KIF16B: variants seen among roughly 807,000 people sequenced by gnomAD.
The protein encoded by KIF16B is kinesin family member 16B.
A neutral mutation model predicts 156.3 loss-of-function variants in KIF16B; 98 were observed. The ratio of observed to expected loss-of-function variants is 0.63; its 90% CI spans 0.53 to 0.74. The LOEUF is 0.74. Among genes scored for constraint, KIF16B ranks in the 30% least tolerant of loss-of-function variants. The pLI is 0.00. For missense variants in KIF16B, 1,421 were observed against 1,606.5 expected (o/e 0.88, Z 1.97); for synonymous variants, 564 against 583.7 (o/e 0.97, Z 0.49).
At chr20:16,476,571 G>A (rs2067819591) in intron 12 of KIF16B, among the ~76,000 whole-genome samples, 1 of 151,988 alleles carries the variant, frequency 6.6e-6, no homozygotes, top group South Asian at 2.1e-4. Context: ...ATCTCTAAAG[G>A]AGAACAATTT....
At position 16,504,569 on chromosome 20, in the gene KIF16B, A is replaced by C. The variant is rs937224282; in HGVS notation, c.1001-22T>G. 8 of 1,605,322 alleles carry C rather than the reference A, an allele frequency of 5.0e-6. No homozygotes were observed. The East Asian group carries it at 1.8e-4, about 36-fold the overall frequency. On this transcript the variant is annotated intron_variant, in intron 9 of 25. Coordinates refer to ENST00000354981, the MANE Select transcript of KIF16B (RefSeq NM_024704.5). Reference sequence around the variant, plus strand: ...ATGGCTGTGAAGAATGTATTCAAAAAATAATTTATCCAGCACTCCATGTTC... The same window carrying C: ...ATGGCTGTGAAGAATGTATTCAAAACATAATTTATCCAGCACTCCATGTTC...
At position 16,356,151 on chromosome 20, in the gene KIF16B, T is replaced by C. The variant is rs141300889; in HGVS notation, c.3621+179A>G. On this transcript the variant is annotated intron_variant, in intron 23 of 25. Transcript: ENST00000354981. ...TTACTAACACCTTCTATGAGGTACC[T>C]TCCTTCCATGTGTTACAGTCAAGAG... Among the ~76,000 whole-genome samples, 64 of 152,348 alleles carry C rather than the reference T, an allele frequency of 4.2e-4. No homozygotes were observed. The East Asian group carries it at 5.8e-3, about 14-fold the overall frequency.
At chr20:16,473,758 A>C (rs1229779508) in intron 12 of KIF16B, among the ~76,000 whole-genome samples, 1 of 152,208 alleles carries the variant, frequency 6.6e-6, no homozygotes, top group East Asian at 1.9e-4. Context: ...CTGTGTCATT[A>C]ATTCAATGTG....
chr20:16,366,913 G>C (rs966019366), intron 22 of KIF16B: 1 of 1,221,498 alleles, frequency 8.2e-7, no homozygotes, highest in African/African-American at 1.6e-5. Flanking sequence ...TGAGTTTCAA[G>C]AAAATGAAGC....
intron 17 of KIF16B, among the ~76,000 whole-genome samples, chr20:16,384,217 G>A (rs918591684): frequency 2.6e-5 from 4 of 152,080 alleles, no homozygotes; most frequent in South Asian, 2.1e-4. Context: ...ACAGTGTCAC[G>A]AACTGTGCTA....
rs1018514240 is a variant in KIF16B, at chr20:16,379,038, T to A, written c.2964A>T (p.Lys988Asn). ...TGGACTCCAAAATCTCCTTTTCCTT[T>A]TTCCTCACTTTTTCCTCCTGACGTG... is the stretch of plus-strand genomic sequence containing the variant. ...NIARQEEKVR[K>N]KEKEILESRE... The change falls in exon 19 of 26, where the codon AAA becomes AAT. Residue 988 changes from lysine to asparagine, a missense_variant. By Grantham distance (94) the Lys-to-Asn change is moderately conservative. Transcript: ENST00000354981. The A allele has an allele frequency of 1.2e-6, 2 of 1,610,892 alleles. No individual in the cohort carries two copies. The highest frequency in any genetic ancestry group is 1.7e-6 in the Non-Finnish European group (2 of 1,178,606).
chr20:16,558,053 A>G (rs1274278820), intron 1 of KIF16B, among the ~76,000 whole-genome samples: 1 of 152,204 alleles, frequency 6.6e-6, no homozygotes, highest in African/African-American at 2.4e-5. Context: ...AATAGGGGGC[A>G]CTATTTTCAA....
intron 3 of KIF16B, among the ~76,000 whole-genome samples, chr20:16,516,983 A>T (rs1256361981): frequency 6.6e-6 from 1 of 152,202 alleles, no homozygotes; most frequent in Non-Finnish European, 1.5e-5. Flanking sequence ...CCAGATTCCC[A>T]TTAGGATGTG....
Position 16,272,426 on chromosome 20 carries a change from A to G in KIF16B, c.*827T>C, listed in dbSNP as rs2062998082. On this transcript the variant is annotated 3_prime_UTR_variant, in exon 26 of 26. Transcript: ENST00000354981. ...CTAGTTTTCCAGCCAAAGATCCAAT[A>G]GATTCTGTAACAAAAAATGTGAATA... is the stretch of plus-strand genomic sequence containing the variant. 1 of 152,624 alleles carries G rather than the reference A, an allele frequency of 6.6e-6. No individual in the cohort carries two copies. The highest frequency in any genetic ancestry group is 1.5e-5 in the Non-Finnish European group (1 of 68,038). The allele number at this position is 152,624 out of a possible 1,614,324, so 9.5% of individuals were successfully genotyped here.
chr20:16,471,301 C>CTAAAA (rs2067656563), intron 12 of KIF16B, among the ~76,000 whole-genome samples: 1 of 152,098 alleles, frequency 6.6e-6, no homozygotes, highest in African/African-American at 2.4e-5. Flanking sequence ...AATATGAGTC[C>CTAAAA]TAAAATACAC....
chr20:16,363,198 C>A (rs138566049), intron 22 of KIF16B, among the ~76,000 whole-genome samples: 1 of 152,078 alleles, frequency 6.6e-6, no homozygotes, highest in African/African-American at 2.4e-5. Context: ...GAGGGTGCCA[C>A]GGATGAACAG....
Position 16,354,580 on chromosome 20 carries a change from G to A in KIF16B, c.3621+1750C>T, listed in dbSNP as rs1359824400. Among the ~76,000 whole-genome samples, 5 of 152,298 alleles carry A rather than the reference G, an allele frequency of 3.3e-5. No individual in the cohort carries two copies. In the South Asian group the frequency reaches 1.0e-3, roughly 32 times the overall value. On this transcript the variant is annotated intron_variant, in intron 23 of 25. Coordinates refer to ENST00000354981, the MANE Select transcript of KIF16B (RefSeq NM_024704.5). ...AGATAGATATTAGGTCAGGGGCAGT[G>A]GGAAGTAGTGGATCAAGGACATAGC... is the stretch of plus-strand genomic sequence containing the variant.
At chr20:16,275,645 C>T (rs1433344201) in intron 25 of KIF16B, among the ~76,000 whole-genome samples, 1 of 152,162 alleles carries the variant, frequency 6.6e-6, no homozygotes, top group Non-Finnish European at 1.5e-5. Flanking sequence ...CCCTAACTTA[C>T]TGGTCTCATG....
chr20:16,288,671 G>C (rs891174325), intron 25 of KIF16B, among the ~76,000 whole-genome samples: 1 of 150,694 alleles, frequency 6.6e-6, no homozygotes, highest in Non-Finnish European at 1.5e-5. Flanking sequence ...AAGGTTATTG[G>C]GATCCCATCA....
At chr20:16,390,204 G>A (rs1281654268) in intron 17 of KIF16B, among the ~76,000 whole-genome samples, 1 of 152,176 alleles carries the variant, frequency 6.6e-6, no homozygotes, top group Non-Finnish European at 1.5e-5. Context: ...ACTCACTAAA[G>A]ACTTTCCAAG....
chr20:16,432,910 T>A (rs2066540392), intron 12 of KIF16B, among the ~76,000 whole-genome samples: 2 of 152,172 alleles, frequency 1.3e-5, no homozygotes, highest in South Asian at 4.1e-4. Flanking sequence ...ACCACTCTTA[T>A]CAGCCAACCT....
chr20:16,452,492 C>A (rs976934312), intron 12 of KIF16B, among the ~76,000 whole-genome samples: 2 of 151,180 alleles, frequency 1.3e-5, no homozygotes, highest in African/African-American at 2.4e-5. Context: ...AGTGAAACAT[C>A]CTAAAACTTC....
intron 22 of KIF16B, chr20:16,368,383 G>T (rs944686823): frequency 7.6e-5 from 75 of 989,376 alleles, no homozygotes; most frequent in Non-Finnish European, 8.9e-5. Flanking sequence ...CGGAGAATGA[G>T]ATTCTGTTGA....
At chr20:16,432,013 T>C (rs2066516767) in intron 12 of KIF16B, among the ~76,000 whole-genome samples, 1 of 151,702 alleles carries the variant, frequency 6.6e-6, no homozygotes, top group African/African-American at 2.4e-5. Flanking sequence ...CATCAATTAA[T>C]ATTTGCCAGA....
Sources: gnomAD v4.1 joint callset for allele counts (sites outside exome capture counted in the v4.1 genomes callset) on GRCh38, gnomAD v4.1.1 for gene constraint, MANE v1.5 for transcripts, NCBI Gene and HGNC (gene_info 2026-07-23, HGNC 2026-07-21) for gene names.